The following LRRIQ3 variants were observed in gnomAD, a reference collection of about 807,000 sequenced individuals.
LRRIQ3 encodes the protein leucine-rich repeat and IQ domain-containing protein 3.
A neutral mutation model predicts 59.3 loss-of-function variants in LRRIQ3; 75 were observed. That is an observed-to-expected ratio of 1.26 (90% CI 1.05 to 1.53). The LOEUF (loss-of-function observed/expected upper bound fraction) is 1.53. Ranked by LOEUF, LRRIQ3 falls within the 40% of genes most tolerant of loss-of-function variation. LRRIQ3 has a pLI of 0.00. For synonymous variants in LRRIQ3, 250 were observed against 231.3 expected, an observed-to-expected ratio of 1.08 and a Z score of -0.73; for missense variants, 831 against 710.0, an observed-to-expected ratio of 1.17 and a Z score of -1.94.
Position 74,041,782 on chromosome 1 carries a change from C to A in LRRIQ3, c.1149G>T (p.Gln383His), listed in dbSNP as rs1264978537. ...GCTTTGGATGAGTAGTATAGATTGG[C>A]TGAGGATATGCAGGAAAAAAATGTT... ...KKQHFFPAYP[Q>H]PIYTTHPKPI... Residue 383 changes from glutamine to histidine, a missense_variant, in exon 7 of 8, where the codon CAG becomes CAT. Gln to His is a conservative substitution (Grantham distance 24). Transcript: ENST00000354431. 3 of 1,613,606 alleles carry A rather than the reference C, an allele frequency of 1.9e-6. No homozygotes were observed. The highest frequency in any genetic ancestry group is 2.5e-6 in the Non-Finnish European group (3 of 1,179,754).
At chr1:74,055,506 T>G (rs1654506936) in intron 6 of LRRIQ3, among the ~76,000 whole-genome samples, 1 of 152,176 alleles carries the variant, frequency 6.6e-6, no homozygotes, top group Admixed American at 6.6e-5. Flanking sequence ...ATCATCCATG[T>G]TGTAACATTT....
chr1:74,154,240 C>CAAACAAAAAAAAAA (rs1648176929), intron 4 of LRRIQ3, among the ~76,000 whole-genome samples: 8 of 57,278 alleles, frequency 1.4e-4, no homozygotes, highest in African/African-American at 5.8e-4. Context: ...GACTCCTTCT[C>CAAACAAAAAAAAAA]AAAAAAAAAA....
chr1:74,106,989 TC>T (rs1429247339), intron 5 of LRRIQ3, among the ~76,000 whole-genome samples: 2 of 152,004 alleles, frequency 1.3e-5, no homozygotes, highest in African/African-American at 4.8e-5. Context: ...GCTGCTTTTG[TC>T]AAATTCACTC....
At chr1:74,086,535 C>A (rs1308697389) in intron 5 of LRRIQ3, among the ~76,000 whole-genome samples, 1 of 152,088 alleles carries the variant, frequency 6.6e-6, no homozygotes, top group Non-Finnish European at 1.5e-5. Flanking sequence ...CATACTAGCC[C>A]AGTCCAAATT....
chr1:74,145,148 C>T (rs1647485162), intron 4 of LRRIQ3, among the ~76,000 whole-genome samples: 1 of 152,008 alleles, frequency 6.6e-6, no homozygotes, highest in Admixed American at 6.6e-5. Flanking sequence ...AAACAAATTC[C>T]ATTTTCCATT....
intron 6 of LRRIQ3, among the ~76,000 whole-genome samples, chr1:74,052,189 C>T (rs1654391645): frequency 6.6e-6 from 1 of 152,100 alleles, no homozygotes; most frequent in Non-Finnish European, 1.5e-5. Context: ...ACCGCGCTGA[C>T]TACATAAGTC....
At chr1:74,100,335 G>T in intron 5 of LRRIQ3, among the ~76,000 whole-genome samples, 1 of 152,016 alleles carries the variant, frequency 6.6e-6, no homozygotes, top group South Asian at 2.1e-4. Context: ...AAATACCTAA[G>T]AATCCAACTT....
At chr1:74,100,800 A>C (rs368797403) in intron 5 of LRRIQ3, among the ~76,000 whole-genome samples, 2 of 152,124 alleles carry the variant, frequency 1.3e-5, no homozygotes, top group African/African-American at 2.4e-5. Context: ...CAAAAACAAG[A>C]AATGGGGAAA....
At chr1:74,078,555 A>G (rs1023554502) in intron 5 of LRRIQ3, 2 of 151,914 alleles carry the variant, frequency 1.3e-5, no homozygotes, top group African/African-American at 4.8e-5. Flanking sequence ...TTTATAAAAT[A>G]CGTTTTAGTT....
Position 74,129,845 on chromosome 1 carries a change from T to C in LRRIQ3, c.708-20292A>G, listed in dbSNP as rs1241601206. ...GGTCTTTCTCTTCAAGACAGTGGAT[T>C]CTCTTCTGGCCCAGGGTATGTCTAG... is the stretch of plus-strand genomic sequence containing the variant. On this transcript the variant is annotated intron_variant, in intron 4 of 7. Transcript: ENST00000354431. Among the ~76,000 whole-genome samples the C allele has an allele frequency of 2.0e-5, 3 of 152,034 alleles. No homozygotes were observed. In the East Asian group the frequency reaches 5.9e-4, roughly 30 times the overall value.
chr1:74,036,605 G>A (rs1044898585), intron 7 of LRRIQ3, among the ~76,000 whole-genome samples: 11 of 152,188 alleles, frequency 7.2e-5, no homozygotes, highest in South Asian at 2.1e-4. Context: ...TTGTCTATTC[G>A]TAATGTTTGT....
At chr1:74,100,818 C>T (rs1278988201) in intron 5 of LRRIQ3, among the ~76,000 whole-genome samples, 1 of 151,884 alleles carries the variant, frequency 6.6e-6, no homozygotes, top group Non-Finnish European at 1.5e-5. Flanking sequence ...AAAGGATTCC[C>T]TATTTAATAC....
At chr1:74,187,278 A>T (rs1203462558) in intron 1 of LRRIQ3, among the ~76,000 whole-genome samples, 1 of 152,050 alleles carries the variant, frequency 6.6e-6, no homozygotes, top group Non-Finnish European at 1.5e-5. Context: ...GTACAAACCT[A>T]AGTACCCATC....
chr1:74,189,139 C>A (rs1399513529), intron 1 of LRRIQ3, among the ~76,000 whole-genome samples: 1 of 152,116 alleles, frequency 6.6e-6, no homozygotes, highest in Admixed American at 6.6e-5. Context: ...ACCAGTCTTT[C>A]TTTCCATACT....
At chr1:74,181,678 C>T (rs1006509140) in intron 3 of LRRIQ3, 2 of 151,670 alleles carry the variant, frequency 1.3e-5, no homozygotes, top group Non-Finnish European at 3.0e-5. Context: ...AAAATTATTA[C>T]CAAAATCCTA....
At chr1:74,050,434 A>AT in intron 6 of LRRIQ3, 2 of 758,282 alleles carry the variant, frequency 2.6e-6, no homozygotes, top group Non-Finnish European at 3.2e-6. Context: ...CAACTGGATC[A>AT]TATCAGCCAA....
chr1:74,040,897 G>A (rs1042575656), intron 7 of LRRIQ3, among the ~76,000 whole-genome samples: 6 of 152,220 alleles, frequency 3.9e-5, no homozygotes, highest in South Asian at 2.1e-4. Flanking sequence ...GGCCGGACAC[G>A]TTGGCTCATG....
At chr1:74,055,214 A>G (rs1238286581) in intron 6 of LRRIQ3, among the ~76,000 whole-genome samples, 2 of 147,282 alleles carry the variant, frequency 1.4e-5, no homozygotes, top group Non-Finnish European at 1.5e-5. Flanking sequence ...ATATATATAC[A>G]CACACATACA....
At chr1:74,138,341 A>T (rs1647163893) in intron 4 of LRRIQ3, 2 of 233,112 alleles carry the variant, frequency 8.6e-6, no homozygotes, top group Admixed American at 6.5e-5. Flanking sequence ...ATCCCAGGTC[A>T]CAAAAAGTCT....
Sources: allele counts gnomAD v4.1 joint callset (sites outside exome capture counted in the v4.1 genomes callset), GRCh38; gene constraint gnomAD v4.1.1; transcripts MANE v1.5; gene names NCBI Gene and HGNC (gene_info 2026-07-23, HGNC 2026-07-21).